PUS7: variants seen among roughly 807,000 people sequenced by gnomAD.
PUS7 encodes pseudouridylate synthase 7 homolog.
A neutral mutation model predicts 79.8 loss-of-function variants in PUS7; 48 were observed. That is an observed-to-expected ratio of 0.60 (90% CI 0.48 to 0.76). The LOEUF is 0.76. Among genes scored for constraint, PUS7 ranks in the 30% least tolerant of loss-of-function variants. The pLI is 0.00. For synonymous variants in PUS7, 286 were observed against 272.2 expected, an observed-to-expected ratio of 1.05 and a Z score of -0.50; for missense variants, 729 against 797.6, an observed-to-expected ratio of 0.91 and a Z score of 1.04.
chr7:105,496,337 C>T (rs1047579135), intron 5 of PUS7, among the ~76,000 whole-genome samples: 5 of 149,664 alleles, frequency 3.3e-5, no homozygotes, highest in African/African-American at 1.2e-4. Context: ...AATATGTAAG[C>T]CTAAACTGCA....
In PUS7 at chr7:105,457,430, C is replaced by A. The variant is rs560074146; in HGVS notation, c.*360G>T. On this transcript the variant is annotated 3_prime_UTR_variant, in exon 16 of 16. Coordinates refer to ENST00000469408, the MANE Select transcript of PUS7 (RefSeq NM_019042.5). ...CTCTTAAAATGCATTGTTGTATACT[C>A]CATCACAGATGTGTCAAATACTCCT... 8.8e-4 allele frequency: 144 copies of A among 164,526 alleles called. No individual in the cohort carries two copies. The highest frequency in any genetic ancestry group is 1.5e-3 in the Non-Finnish European group (114 of 75,974). The allele number at this position is 164,526 out of a possible 1,614,324, so 10.2% of individuals were successfully genotyped here. A position where few individuals can be genotyped will look rare whatever the true frequency, so the allele number is the denominator to read the frequency against.
chr7:105,506,702 C>T (rs369371978), intron 2 of PUS7, among the ~76,000 whole-genome samples: 4 of 152,036 alleles, frequency 2.6e-5, no homozygotes, highest in African/African-American at 7.3e-5. Flanking sequence ...GGATTACAGG[C>T]GTGAATCACC....
chr7:105,475,715 G>A (rs771331701), intron 9 of PUS7, among the ~76,000 whole-genome samples: 2 of 151,558 alleles, frequency 1.3e-5, no homozygotes, highest in Non-Finnish European at 2.9e-5. Flanking sequence ...TACCTTTTTG[G>A]CTATTTTTAA....
At chr7:105,463,187 G>A (rs536814741) in intron 13 of PUS7, among the ~76,000 whole-genome samples, 2 of 152,316 alleles carry the variant, frequency 1.3e-5, no homozygotes, top group Admixed American at 1.3e-4. Flanking sequence ...CCGCGCACCT[G>A]ATGTAGAGTC....
intron 7 of PUS7, among the ~76,000 whole-genome samples, chr7:105,489,366 C>T (rs1824693372): frequency 6.6e-6 from 1 of 151,918 alleles, no homozygotes; most frequent in African/African-American, 2.4e-5. Context: ...TCCCCCTACC[C>T]CCATTCTTCT....
chr7:105,503,476 CGT>C (rs1191282069), intron 4 of PUS7, among the ~76,000 whole-genome samples: 10 of 152,068 alleles, frequency 6.6e-5, no homozygotes, highest in African/African-American at 1.9e-4. Context: ...ATATTTTCAG[CGT>C]GTGAGTGCAT....
Position 105,457,752 on chromosome 7 carries a change from A to G in PUS7, c.*38T>C. ...ATGCACAGGGAGCCAGGAAGCAAAC[A>G]CTTGTGTACGTTTTCTAATCTGTGG... On this transcript the variant is annotated 3_prime_UTR_variant, in exon 16 of 16. Transcript: ENST00000469408. The G allele has an allele frequency of 6.3e-7, 1 of 1,598,112 alleles. No homozygotes were observed. Among genetic ancestry groups the G allele is most frequent in the Non-Finnish European group, 8.5e-7 (1 of 1,170,958 alleles).
chr7:105,508,075 T>C, intron 2 of PUS7, 40 bp downstream of exon 2: 1 of 1,563,384 alleles, frequency 6.4e-7, no homozygotes, highest in Middle Eastern at 1.7e-4. Context: ...AGAAGAAACC[T>C]AATACAATCA....
intron 1 of PUS7, among the ~76,000 whole-genome samples, chr7:105,513,122 G>A (rs887847259): frequency 6.6e-6 from 1 of 152,144 alleles, no homozygotes; most frequent in Non-Finnish European, 1.5e-5. Flanking sequence ...ACGATCTGCG[G>A]GCACTCATCA....
At chr7:105,460,212 A>G (rs1027970897) in intron 14 of PUS7, among the ~76,000 whole-genome samples, 2 of 152,050 alleles carry the variant, frequency 1.3e-5, no homozygotes, top group African/African-American at 2.4e-5. Flanking sequence ...TGCTGGGATT[A>G]CAGGCGTGAG....
intron 5 of PUS7, among the ~76,000 whole-genome samples, chr7:105,495,518 C>G (rs1363242099): frequency 6.6e-6 from 1 of 151,308 alleles, no homozygotes; most frequent in East Asian, 1.9e-4. Context: ...CTTTGGGAGG[C>G]CAAGGCGGGC....
intron 14 of PUS7, among the ~76,000 whole-genome samples, chr7:105,460,786 G>A (rs528048898): frequency 1.3e-4 from 19 of 143,232 alleles, no homozygotes; most frequent in African/African-American, 3.9e-4. Context: ...CCCGGGAGGC[G>A]GAGCTTGCAG....
At chr7:105,511,794 A>G (rs1409389847) in intron 1 of PUS7, among the ~76,000 whole-genome samples, 2 of 152,076 alleles carry the variant, frequency 1.3e-5, no homozygotes, top group African/African-American at 2.4e-5. Context: ...AAAACAAAAA[A>G]GTATTATGAC....
intron 1 of PUS7, among the ~76,000 whole-genome samples, chr7:105,521,839 G>GCA (rs1457807081): frequency 6.6e-6 from 1 of 151,778 alleles, no homozygotes; most frequent in Non-Finnish European, 1.5e-5. Flanking sequence ...AGCGGCGCCT[G>GCA]CACCGCCGAA....
chr7:105,518,818 G>C (rs1160590687), intron 1 of PUS7, among the ~76,000 whole-genome samples: 1 of 151,822 alleles, frequency 6.6e-6, no homozygotes, highest in Non-Finnish European at 1.5e-5. Context: ...GCCCAGGCTG[G>C]AGTGCAGTGG....
rs993868179 is a variant in PUS7 at position 105,508,433 on chromosome 7, A to G, written c.80T>C (p.Val27Ala). 6.2e-7 allele frequency: 1 copy of G among 1,614,098 alleles called. No homozygotes were observed. The highest frequency in any genetic ancestry group is 8.5e-7 in the Non-Finnish European group (1 of 1,180,028). ...VVEDNDSGVP[V>A]EETKKQKLSE... The stretch of plus-strand genomic sequence containing the variant: ...CAGCTTCTGTTTTTTTGTCTCTTCA[A>G]CTGGGACTCCACTGTCATTATCTTC... The change falls in exon 2 of 16, where the codon GTT becomes GCT. Residue 27 changes from valine (V) to alanine (A), a missense_variant. By Grantham distance (64) the Val-to-Ala change is moderately conservative. Transcript: ENST00000469408.
rs1325383338 is a variant in PUS7, at chr7:105,456,579, T to G, written c.*1211A>C. ...GAGATTTTAAAAATATTTATTACAT[T>G]TGTTTCTAGAAATCATAGAAAATAA... On this transcript the variant is annotated 3_prime_UTR_variant, in exon 16 of 16. Transcript: ENST00000469408. The G allele has an allele frequency of 6.6e-6, 1 of 152,194 alleles. No individual in the cohort carries two copies. Among genetic ancestry groups the G allele is most frequent in the Non-Finnish European group, 1.5e-5 (1 of 68,036 alleles). 9.4% of individuals were successfully genotyped at this position (152,194 alleles called of 1,614,324 possible).
intron 5 of PUS7, among the ~76,000 whole-genome samples, chr7:105,495,566 G>GCAA (rs2133194112): frequency 6.6e-6 from 1 of 152,110 alleles, no homozygotes; most frequent in African/African-American, 2.4e-5. Flanking sequence ...ACTGGCCTGG[G>GCAA]CAACATGGCA....
At position 105,482,299 on chromosome 7, in the gene PUS7, T is replaced by C; in HGVS notation, c.1049+13A>G. On this transcript the variant is annotated intron_variant, in intron 8 of 15. Transcript: ENST00000469408. ...AGACCCTCTGGTCTACATTCCCACC[T>C]GCAGTTCTTTACCTGAGAACAACAG... The C allele has an allele frequency of 6.2e-7, 1 of 1,612,134 alleles. No individual in the cohort carries two copies. Among genetic ancestry groups the C allele is most frequent in the Non-Finnish European group, 8.5e-7 (1 of 1,178,810 alleles).
Sources: allele counts gnomAD v4.1 joint callset (sites outside exome capture counted in the v4.1 genomes callset), GRCh38; gene constraint gnomAD v4.1.1; transcripts MANE v1.5; gene names NCBI Gene and HGNC (gene_info 2026-07-23, HGNC 2026-07-21).